The following SLC39A11 variants were observed in gnomAD, a reference collection of about 807,000 sequenced individuals.
The protein encoded by SLC39A11 is solute carrier family 39 member 11, also known as zinc transporter ZIP11.
A neutral mutation model predicts 36.1 loss-of-function variants in SLC39A11; 33 were observed. The ratio of observed to expected loss-of-function variants is 0.91; its 90% CI spans 0.69 to 1.22. The LOEUF (loss-of-function observed/expected upper bound fraction) is 1.22. SLC39A11 is among the 50% of genes most tolerant of loss of function. The pLI, the probability that SLC39A11 is intolerant of heterozygous loss-of-function variation, is 0.00. For missense variants in SLC39A11, 432 were observed against 430.3 expected, an observed-to-expected ratio of 1.00 and a Z score of -0.03; for synonymous variants, 166 against 170.3, an observed-to-expected ratio of 0.97 and a Z score of 0.20.
chr17:72,978,207 C>A (rs1457973775), intron 4 of SLC39A11, among the ~76,000 whole-genome samples: 1 of 151,638 alleles, frequency 6.6e-6, no homozygotes. Context: ...CCTTCCTCTT[C>A]CTCTTCCTTC....
At chr17:72,667,563 G>A (rs1054534436) in intron 7 of SLC39A11, among the ~76,000 whole-genome samples, 4 of 152,202 alleles carry the variant, frequency 2.6e-5, no homozygotes, top group Non-Finnish European at 5.9e-5. Context: ...GTGCCAGTAG[G>A]GTGGCTGGGG....
intron 7 of SLC39A11, among the ~76,000 whole-genome samples, chr17:72,664,955 A>G (rs1035815905): frequency 6.6e-6 from 1 of 152,128 alleles, no homozygotes; most frequent in African/African-American, 2.4e-5. Flanking sequence ...ACCTTGGGGC[A>G]TTTTCACTGG....
intron 6 of SLC39A11, among the ~76,000 whole-genome samples, chr17:72,816,076 T>C (rs1194410797): frequency 6.6e-6 from 1 of 152,222 alleles, no homozygotes; most frequent in Non-Finnish European, 1.5e-5. Flanking sequence ...CAGAATCCAT[T>C]GCGGAGAGTT....
intron 4 of SLC39A11, among the ~76,000 whole-genome samples, chr17:72,982,474 G>A (rs919485151): frequency 3.3e-5 from 5 of 152,162 alleles, no homozygotes; most frequent in African/African-American, 1.2e-4. Context: ...AAATAAATGT[G>A]CATTCACTTG....
chr17:72,964,499 G>T (rs1384849125), intron 4 of SLC39A11, among the ~76,000 whole-genome samples: 5 of 152,292 alleles, frequency 3.3e-5, no homozygotes, highest in African/African-American at 1.2e-4. Context: ...ATATCAATAG[G>T]ATTATCATCC....
intron 6 of SLC39A11, among the ~76,000 whole-genome samples, chr17:72,820,617 T>C (rs2077739258): frequency 6.6e-6 from 1 of 151,292 alleles, no homozygotes; most frequent in Admixed American, 6.6e-5. Context: ...AAAGTCATTA[T>C]GGAACAGGGT....
At chr17:72,699,549 T>G (rs1598383869) in intron 7 of SLC39A11, among the ~76,000 whole-genome samples, 2 of 152,184 alleles carry the variant, frequency 1.3e-5, no homozygotes, top group African/African-American at 4.8e-5. Context: ...GGTCTATCCA[T>G]TCATTCATTA....
At chr17:72,714,682 G>GTT (rs2073271036) in intron 7 of SLC39A11, among the ~76,000 whole-genome samples, 3 of 152,290 alleles carry the variant, frequency 2.0e-5, no homozygotes, top group Non-Finnish European at 4.4e-5. Flanking sequence ...TTTGCACACC[G>GTT]TGTCTGTGTT....
rs183570893 is a variant in SLC39A11 at position 72,933,667 on chromosome 17, G to A, written c.430+14085C>T. On this transcript the variant is annotated intron_variant, in intron 5 of 9. Coordinates refer to ENST00000255559, the MANE Select transcript of SLC39A11 (RefSeq NM_139177.4). The stretch of plus-strand genomic sequence containing the variant: ...CCTAAGTAGCTGGGATTACAGGCGC[G>A]CACCACCAAACCCAGCTAAGTTTTG... Among the ~76,000 whole-genome samples the A allele has an allele frequency of 2.6e-4, 39 of 152,124 alleles. No homozygotes were observed. In the East Asian group the frequency reaches 3.1e-3, roughly 12 times the overall value.
intron 5 of SLC39A11, among the ~76,000 whole-genome samples, chr17:72,900,912 C>T (rs2082359796): frequency 6.6e-6 from 1 of 150,916 alleles, no homozygotes; most frequent in Non-Finnish European, 1.5e-5. Flanking sequence ...TTTTCTGAAA[C>T]AAAATTCGAG....
intron 7 of SLC39A11, among the ~76,000 whole-genome samples, chr17:72,734,170 A>T (rs1019137357): frequency 6.6e-6 from 1 of 152,180 alleles, no homozygotes; most frequent in Non-Finnish European, 1.5e-5. Flanking sequence ...AAAGGCAGAG[A>T]AAGCTAACAA....
rs539775713 is a variant in SLC39A11 at position 72,913,569 on chromosome 17, G to T, written c.430+34183C>A. ...GGCCTAAAGGATAAGGATGAAGTAG[G>T]GGGTAGGGGGAGAGAGGTAGAGATT... On this transcript the variant is annotated intron_variant, in intron 5 of 9. Coordinates refer to ENST00000255559, the MANE Select transcript of SLC39A11 (RefSeq NM_139177.4). Among the ~76,000 whole-genome samples, 3 of 152,264 alleles carry T rather than the reference G, an allele frequency of 2.0e-5. No individual in the cohort carries two copies. In the South Asian group the frequency reaches 6.2e-4, roughly 32 times the overall value.
intron 6 of SLC39A11, among the ~76,000 whole-genome samples, chr17:72,848,832 A>G (rs1262235822): frequency 6.6e-6 from 1 of 152,220 alleles, no homozygotes; most frequent in Non-Finnish European, 1.5e-5. Flanking sequence ...GGCAATTATC[A>G]GTGCCAAATT....
At chr17:72,878,747 G>A (rs1231414215) in intron 5 of SLC39A11, among the ~76,000 whole-genome samples, 1 of 152,164 alleles carries the variant, frequency 6.6e-6, no homozygotes, top group Non-Finnish European at 1.5e-5. Context: ...CAAACTGTAT[G>A]GGGATTTCTC....
rs770503538 is a variant in SLC39A11 at position 72,732,050 on chromosome 17, T to TC, written c.671+4599_671+4600insG. 1.3e-3 allele frequency among the ~76,000 whole-genome samples: 136 copies of TC among 106,300 alleles called. 2 individuals are homozygous for TC. Among genetic ancestry groups the TC allele is most frequent in the Non-Finnish European group, 1.8e-3 (88 of 49,594 alleles). The allele number at this position is 106,300 out of a possible 152,430, so 69.7% of individuals were successfully genotyped here. On this transcript the variant is annotated intron_variant, in intron 7 of 9. Transcript: ENST00000255559. ...TTTTTCTTTTCTTTTCTTTTTTTTT[T>TC]TTTTTTTTTTTTTTTTGAGACAGAG...
At chr17:72,662,212 C>G (rs879688471) in intron 7 of SLC39A11, among the ~76,000 whole-genome samples, 1 of 151,732 alleles carries the variant, frequency 6.6e-6, no homozygotes, top group Non-Finnish European at 1.5e-5. Context: ...GGCTGTAGTA[C>G]TATGATGGAG....
At position 73,012,267 on chromosome 17, in the gene SLC39A11, CTG is replaced by C. The variant is rs1237007361; in HGVS notation, c.306+19287_306+19288del. 2.0e-5 allele frequency among the ~76,000 whole-genome samples: 3 copies of C among 151,916 alleles called. No homozygotes were observed. The East Asian group carries it at 5.9e-4, about 30-fold the overall frequency. On this transcript the variant is annotated intron_variant, in intron 4 of 9. Transcript: ENST00000255559. The stretch of plus-strand genomic sequence containing the variant: ...CTCCATCCTGTGACAGAGCAAGACT[CTG>C]TCTCAAAAATAAAATAAAATAACTA...
At chr17:72,928,897 A>G (rs1011053158) in intron 5 of SLC39A11, among the ~76,000 whole-genome samples, 1 of 152,220 alleles carries the variant, frequency 6.6e-6, no homozygotes, top group Non-Finnish European at 1.5e-5. Flanking sequence ...CACCTGCTTC[A>G]TGCCAGGCAC....
intron 6 of SLC39A11, among the ~76,000 whole-genome samples, chr17:72,757,413 T>C (rs2075397142): frequency 6.6e-6 from 1 of 152,158 alleles, no homozygotes; most frequent in Non-Finnish European, 1.5e-5. Flanking sequence ...AGTTATTTCC[T>C]GGTGGTGGGA....
Sources: allele counts gnomAD v4.1 joint callset (sites outside exome capture counted in the v4.1 genomes callset), GRCh38; gene constraint gnomAD v4.1.1; transcripts MANE v1.5; gene names NCBI Gene and HGNC (gene_info 2026-07-23, HGNC 2026-07-21).